The following PYGO1 variants were observed in gnomAD, a reference collection of about 807,000 sequenced individuals.
The protein encoded by PYGO1 is pygopus family PHD finger 1, also known as pygopus homolog 1.
A neutral mutation model predicts 29.5 loss-of-function variants in PYGO1; 6 were observed. The ratio of observed to expected loss-of-function variants is 0.20; its 90% CI spans 0.11 to 0.40. The LOEUF is 0.40. Ranked by LOEUF, PYGO1 falls within the 10% of genes least tolerant of loss-of-function variation. The probability of loss-of-function intolerance (pLI) is 1.00; values close to 1 mark genes in which losing one functional copy is unlikely to be tolerated. For missense variants in PYGO1, 515 were observed against 514.9 expected (o/e 1.00, Z 0.00); for synonymous variants, 186 against 180.5 (o/e 1.03, Z -0.24).
Position 55,543,472 on chromosome 15 carries a change from T to G in PYGO1, c.*2551A>C, listed in dbSNP as rs1274038443. 6.6e-6 allele frequency: 1 copy of G among 152,190 alleles called. No homozygotes were observed. The highest frequency in any genetic ancestry group is 1.5e-5 in the Non-Finnish European group (1 of 68,028). The allele number at this position is 152,190 out of a possible 1,614,324, so 9.4% of individuals were successfully genotyped here. On this transcript the variant is annotated 3_prime_UTR_variant, in exon 3 of 3. Transcript: ENST00000563719. ...CTTTTGAATATTTACAGATTCTTAT[T>G]TAAGTAAGGTGCTTTGAAGACCTAA...
chr15:55,545,173 T>C lies in PYGO1; in HGVS notation c.*850A>G, dbSNP rs2058844228. On this transcript the variant is annotated 3_prime_UTR_variant, in exon 3 of 3. Transcript: ENST00000563719. ...TTCCTCATCTGCAATATGTCCCAGT[T>C]CAAAATTATAAAAAAGTATTCACAA... 1 of 152,134 alleles carries C rather than the reference T, an allele frequency of 6.6e-6. No homozygotes were observed. The highest frequency in any genetic ancestry group is 2.4e-5 in the African/African-American group (1 of 41,422). 9.4% of individuals were successfully genotyped at this position (152,134 alleles called of 1,614,324 possible).
intron 1 of PYGO1, among the ~76,000 whole-genome samples, chr15:55,587,227 C>A (rs1169511386): frequency 6.6e-6 from 1 of 152,140 alleles, no homozygotes; most frequent in Non-Finnish European, 1.5e-5. Context: ...CTAACCAGTG[C>A]GCAAGAAAGA....
rs1193139577 is a variant in PYGO1, at chr15:55,544,844, TC to T, written c.*1178del. 1 of 152,120 alleles carries T rather than the reference TC, an allele frequency of 6.6e-6. No homozygotes were observed. Among genetic ancestry groups the T allele is most frequent in the Non-Finnish European group, 1.5e-5 (1 of 68,014 alleles). The allele number at this position is 152,120 out of a possible 1,614,324, so 9.4% of individuals were successfully genotyped here. A position where few individuals can be genotyped will look rare whatever the true frequency, so the allele number is the denominator to read the frequency against. ...AAAAATGGATTTCTGCTGTTTTGAA[TC>T]TTAATGAGCACAACTCCAACTGTCT... On this transcript the variant is annotated 3_prime_UTR_variant, in exon 3 of 3. Coordinates refer to ENST00000563719, the MANE Select transcript of PYGO1 (RefSeq NM_001367806.1).
intron 1 of PYGO1, among the ~76,000 whole-genome samples, chr15:55,576,534 G>A (rs2059002914): frequency 6.7e-6 from 1 of 148,976 alleles, no homozygotes; most frequent in African/African-American, 2.5e-5. Context: ...ACTTTGGGAG[G>A]CCAAGGCAGG....
intron 1 of PYGO1, among the ~76,000 whole-genome samples, chr15:55,565,485 C>T (rs1407758041): frequency 1.3e-5 from 2 of 151,940 alleles, no homozygotes; most frequent in Non-Finnish European, 2.9e-5. Flanking sequence ...GGGCAGACTA[C>T]CTGAGGTCAG....
chr15:55,556,242 T>C (rs1025252674), intron 1 of PYGO1, among the ~76,000 whole-genome samples: 13 of 152,034 alleles, frequency 8.6e-5, no homozygotes, highest in Non-Finnish European at 1.9e-4. Flanking sequence ...CTAAAATTGA[T>C]CACAATCGGA....
rs1595979880 is a variant in PYGO1, at chr15:55,546,534, T to A, written c.749A>T (p.Asn250Ile). The change falls in exon 3 of 3, where the codon AAT becomes ATT. Residue 250 changes from asparagine (N) to isoleucine (I), a missense_variant. Transcript: ENST00000563719. ...AGGTGGATGAGCAGAGGAATTTTGA[T>A]TAGTGTTTTTGGTTGCTCCTTGAGT... ...DFTQGATKNT[N>I]QNSSAHPPHL... 2.5e-6 allele frequency: 4 copies of A among 1,614,124 alleles called. No individual in the cohort carries two copies. Among genetic ancestry groups the A allele is most frequent in the Non-Finnish European group, 3.4e-6 (4 of 1,180,020 alleles).
chr15:55,579,227 C>T (rs2059016251), intron 1 of PYGO1, among the ~76,000 whole-genome samples: 1 of 151,900 alleles, frequency 6.6e-6, no homozygotes, highest in Admixed American at 6.5e-5. Flanking sequence ...CACCATATAC[C>T]CACATATTGA....
intron 1 of PYGO1, among the ~76,000 whole-genome samples, chr15:55,584,610 G>C (rs2059039093): frequency 6.6e-6 from 1 of 152,182 alleles, no homozygotes; most frequent in Admixed American, 6.5e-5. Context: ...AGTAGTATGA[G>C]GGGAAATGGA....
chr15:55,584,789 A>G (rs954477823), intron 1 of PYGO1, among the ~76,000 whole-genome samples: 60 of 152,218 alleles, frequency 3.9e-4, no homozygotes, highest in African/African-American at 1.4e-3. Flanking sequence ...AGAAAATAGG[A>G]GTAAGATACT....
At chr15:55,558,150 G>T (rs1202020882) in intron 1 of PYGO1, among the ~76,000 whole-genome samples, 1 of 152,174 alleles carries the variant, frequency 6.6e-6, no homozygotes, top group Non-Finnish European at 1.5e-5. Context: ...CTTCAGCAAA[G>T]TCTCAGGATA....
rs1252081747 is a variant in PYGO1 at position 55,588,272 on chromosome 15, C to G, written c.-389G>C. On this transcript the variant is annotated 5_prime_UTR_variant, in exon 1 of 3. Transcript: ENST00000563719. ...CAGGGGAAGCAGGAGGCTCGCGGCCCGGCCCTGGCGGCACACTCACAGCGC... is the reference window on the plus strand; with the variant it reads ...CAGGGGAAGCAGGAGGCTCGCGGCCGGGCCCTGGCGGCACACTCACAGCGC... Among the ~76,000 whole-genome samples, 1 of 149,016 alleles carries G rather than the reference C, an allele frequency of 6.7e-6. No individual in the cohort carries two copies. The highest frequency in any genetic ancestry group is 1.5e-5 in the Non-Finnish European group (1 of 66,914).
At chr15:55,582,405 G>C (rs780947759) in intron 1 of PYGO1, among the ~76,000 whole-genome samples, 2 of 151,894 alleles carry the variant, frequency 1.3e-5, no homozygotes, top group Non-Finnish European at 2.9e-5. Flanking sequence ...CCCCTCATTA[G>C]TCCATTCTTC....
At chr15:55,588,749 G>A (rs1432061108), upstream of PYGO1, 3 of 1,574,890 alleles carry the variant, frequency 1.9e-6, no homozygotes, top group Non-Finnish European at 8.7e-7. Context: ...TTCGTCGGAG[G>A]CCACAGCAGC....
intron 2 of PYGO1, among the ~76,000 whole-genome samples, 199 bp from the exon 3 acceptor site, chr15:55,547,346 T>C (rs2058857162): frequency 6.6e-6 from 1 of 152,200 alleles, no homozygotes; most frequent in Non-Finnish European, 1.5e-5. Context: ...AATATTTAGT[T>C]TTATTTCATT....
At chr15:55,550,821 T>A (rs1255489010) in intron 1 of PYGO1, among the ~76,000 whole-genome samples, 1 of 152,216 alleles carries the variant, frequency 6.6e-6, no homozygotes, top group African/African-American at 2.4e-5. Context: ...CTGATTGACA[T>A]GTTTAACATG....
chr15:55,557,017 G>T (rs1261829830), intron 1 of PYGO1, among the ~76,000 whole-genome samples: 1 of 151,412 alleles, frequency 6.6e-6, no homozygotes, highest in Non-Finnish European at 1.5e-5. Context: ...CCAACCCAAA[G>T]AAGCCCAGGA....
At chr15:55,587,350 T>C (rs1422514803) in intron 1 of PYGO1, among the ~76,000 whole-genome samples, 1 of 148,364 alleles carries the variant, frequency 6.7e-6, no homozygotes, top group Admixed American at 6.7e-5. Flanking sequence ...GAAAATAAAC[T>C]GAATATTTGT....
rs550814570 is a variant in PYGO1 at position 55,551,574 on chromosome 15, T to C, written c.50-2579A>G. 4.6e-5 allele frequency among the ~76,000 whole-genome samples: 7 copies of C among 152,018 alleles called. No homozygotes were observed. The South Asian group carries it at 6.2e-4, about 14-fold the overall frequency. On this transcript the variant is annotated intron_variant, in intron 1 of 2. Transcript: ENST00000563719. Reference sequence around the variant, plus strand: ...CACTTTAAGAGGCTGAGGCGGGGGATTGCTCCAGCCCAAGAGTCTGAGACC... The same window carrying C: ...CACTTTAAGAGGCTGAGGCGGGGGACTGCTCCAGCCCAAGAGTCTGAGACC...
Sources: gnomAD v4.1 joint callset for allele counts (sites outside exome capture counted in the v4.1 genomes callset) on GRCh38, gnomAD v4.1.1 for gene constraint, MANE v1.5 for transcripts, NCBI Gene and HGNC (gene_info 2026-07-23, HGNC 2026-07-21) for gene names.